Variants in RAB11FIP1 observed in about 807,000 individuals in gnomAD.
RAB11FIP1 encodes RAB11 family interacting protein 1.
Under a neutral mutation model 83.1 loss-of-function variants are expected in RAB11FIP1, and 49 were observed. The ratio of observed to expected loss-of-function variants is 0.59; its 90% CI spans 0.47 to 0.75. The LOEUF is 0.75. Among genes scored for constraint, RAB11FIP1 ranks in the 30% least tolerant of loss-of-function variants. The pLI is 0.00. For missense variants in RAB11FIP1, 1,536 were observed against 1,598.7 expected (o/e 0.96, Z 0.67); for synonymous variants, 670 against 656.0 (o/e 1.02, Z -0.33).
At position 37,872,139 on chromosome 8, in the gene RAB11FIP1, GGGA is replaced by G. The variant is rs1205738296; in HGVS notation, c.2660_2662del (p.Leu887del). 2 of 1,613,832 alleles carry G rather than the reference GGGA, an allele frequency of 1.2e-6. No homozygotes were observed. The highest frequency in any genetic ancestry group is 2.2e-5 in the East Asian group (1 of 44,864). On this transcript the variant is annotated inframe_deletion, in exon 4 of 6. Coordinates refer to ENST00000330843, the MANE Select transcript of RAB11FIP1 (RefSeq NM_001002814.3). ...TTCGGAGAAACTCTCCTCCTGGGAG[GGGA>G]GGAGGAGGTGATCCGCTGGGGAGGC...
At position 37,863,908 on chromosome 8, in the gene RAB11FIP1, G is replaced by A. The variant is rs557093287; in HGVS notation, c.3634-795C>T. Among the ~76,000 whole-genome samples, 140 of 152,200 alleles carry A rather than the reference G, an allele frequency of 9.2e-4. 1 individual carries two copies. Among genetic ancestry groups the A allele is most frequent in the African/African-American group, 3.3e-3 (135 of 41,534 alleles). ...GCTGGTGACGACTCCCAAGCCAGAG[G>A]GGGCCCAGGAAGACACAGCTGTGAC... On this transcript the variant is annotated intron_variant, in intron 5 of 5. Coordinates refer to ENST00000330843, the MANE Select transcript of RAB11FIP1 (RefSeq NM_001002814.3).
In RAB11FIP1 at chr8:37,871,308, GGCTGA is replaced by G. The variant is rs765340672; in HGVS notation, c.3489_3493del (p.Gln1164ArgfsTer26). On this transcript the variant is annotated frameshift_variant, in exon 4 of 6. Transcript: ENST00000330843. LOFTEE classifies it high-confidence loss of function. The stretch of plus-strand genomic sequence containing the variant: ...CTTGGCTGACCCAGTTCCAGCGCCT[GGCTGA>G]GCTGAGACTGGATGTGTCTCCGAGG... 1.9e-6 allele frequency: 3 copies of G among 1,612,656 alleles called. No individual in the cohort carries two copies. The highest frequency in any genetic ancestry group is 1.7e-5 in the Admixed American group (1 of 59,724).
rs1372766672 is a variant in RAB11FIP1 at position 37,861,186 on chromosome 8, A to G, written c.*1709T>C. 1 of 151,706 alleles carries G rather than the reference A, an allele frequency of 6.6e-6. No individual in the cohort carries two copies. The highest frequency in any genetic ancestry group is 1.5e-5 in the Non-Finnish European group (1 of 68,850). The allele number at this position is 151,706 out of a possible 1,614,324, so 9.4% of individuals were successfully genotyped here. A position where few individuals can be genotyped will look rare whatever the true frequency, so the allele number is the denominator to read the frequency against. ...TAGCTAAGAAGGAAGCAAGTGCCCTAGTTAAAAAAAAAAAAAGTCTATAAA... is the reference window on the plus strand; with the variant it reads ...TAGCTAAGAAGGAAGCAAGTGCCCTGGTTAAAAAAAAAAAAAGTCTATAAA... On this transcript the variant is annotated 3_prime_UTR_variant, in exon 6 of 6. Transcript: ENST00000330843.
chr8:37,864,847 C>G (rs1290023025), intron 5 of RAB11FIP1, among the ~76,000 whole-genome samples: 1 of 152,010 alleles, frequency 6.6e-6, no homozygotes, highest in Non-Finnish European at 1.5e-5. Context: ...ATGTGACTTC[C>G]AAAACAATAT....
chr8:37,867,719 AAAAG>A (rs1352410114), intron 5 of RAB11FIP1, among the ~76,000 whole-genome samples: 1 of 151,858 alleles, frequency 6.6e-6, no homozygotes, highest in Non-Finnish European at 1.5e-5. Context: ...AAAGAAAAAA[AAAAG>A]GAAGGAAGGA....
rs1298696796 is a variant in RAB11FIP1 at position 37,877,455 on chromosome 8, G to C, written c.468C>G (p.Ser156Arg). 6.2e-7 allele frequency: 1 copy of C among 1,613,486 alleles called. No individual in the cohort carries two copies. Residue 156 changes from serine (S) to arginine (R), a missense_variant, in exon 2 of 6, where the codon AGC becomes AGG. Ser to Arg is a moderately radical substitution (Grantham distance 110). Coordinates refer to ENST00000330843, the MANE Select transcript of RAB11FIP1 (RefSeq NM_001002814.3). ...IQFMRNNMTA[S>R]MFDLSMKDKS... ...TGTCTTTCATAGAAAGGTCAAACAT[G>C]CTGGCAGTCATGTTGTTTCTCATAA...
chr8:37,884,754 G>A (rs1432446545), intron 1 of RAB11FIP1, among the ~76,000 whole-genome samples: 2 of 152,094 alleles, frequency 1.3e-5, no homozygotes. Context: ...TCACCATGTT[G>A]GCCAGGCTGG....
At chr8:37,895,218 AATATATATATATATATATATATATATAT>A (rs1157101966) in intron 1 of RAB11FIP1, among the ~76,000 whole-genome samples, 23 of 13,702 alleles carry the variant, frequency 1.7e-3, no homozygotes, top group East Asian at 7.0e-3. Context: ...GGTGCCTGCC[AATATATATATATATATATATATATATAT>A]ATATATATAT....
chr8:37,865,129 C>T (rs960688032), intron 5 of RAB11FIP1, among the ~76,000 whole-genome samples: 2 of 151,718 alleles, frequency 1.3e-5, no homozygotes, highest in Non-Finnish European at 2.9e-5. Context: ...AATACGTCCT[C>T]AAGGGATTTT....
intron 1 of RAB11FIP1, among the ~76,000 whole-genome samples, chr8:37,887,213 A>G (rs1349502423): frequency 6.6e-6 from 1 of 152,182 alleles, no homozygotes; most frequent in African/African-American, 2.4e-5. Context: ...GGCTGTTTGT[A>G]GCCACCAAAC....
At chr8:37,883,662 T>C (rs1279637144) in intron 1 of RAB11FIP1, among the ~76,000 whole-genome samples, 2 of 152,228 alleles carry the variant, frequency 1.3e-5, no homozygotes, top group South Asian at 2.1e-4. Context: ...TTCTAAGTGT[T>C]ACTGCCCATG....
At chr8:37,888,378 A>T (rs1806874647) in intron 1 of RAB11FIP1, among the ~76,000 whole-genome samples, 1 of 152,246 alleles carries the variant, frequency 6.6e-6, no homozygotes. Flanking sequence ...AAGTGCTGGG[A>T]TTACAGGCGT....
chr8:37,885,536 A>AT (rs376241842), intron 1 of RAB11FIP1, among the ~76,000 whole-genome samples: 32 of 151,206 alleles, frequency 2.1e-4, no homozygotes, highest in African/African-American at 4.8e-4. Context: ...TGGGGATCTT[A>AT]TTTTTTTTTG....
chr8:37,898,301 A>T (rs1807134271), intron 1 of RAB11FIP1, among the ~76,000 whole-genome samples: 1 of 151,112 alleles, frequency 6.6e-6, no homozygotes, highest in Admixed American at 6.6e-5. Flanking sequence ...ACCTGAAGTC[A>T]GAAATTCGAG....
intron 1 of RAB11FIP1, among the ~76,000 whole-genome samples, chr8:37,880,090 A>G (rs1346161538): frequency 6.6e-6 from 1 of 152,148 alleles, no homozygotes; most frequent in Non-Finnish European, 1.5e-5. Context: ...CCACTGAGAG[A>G]CAAGCTTCAG....
intron 1 of RAB11FIP1, among the ~76,000 whole-genome samples, chr8:37,893,349 A>G (rs1266710573): frequency 1.3e-5 from 2 of 152,174 alleles, no homozygotes; most frequent in Non-Finnish European, 2.9e-5. Context: ...TGCTGAGATT[A>G]CATGTTCATT....
At chr8:37,897,167 G>A (rs541201110) in intron 1 of RAB11FIP1, among the ~76,000 whole-genome samples, 1 of 151,992 alleles carries the variant, frequency 6.6e-6, no homozygotes, top group Non-Finnish European at 1.5e-5. Context: ...CTCACATCAA[G>A]GCTAGTTTTA....
intron 5 of RAB11FIP1, among the ~76,000 whole-genome samples, chr8:37,868,625 A>G (rs994363329): frequency 6.6e-6 from 1 of 152,154 alleles, no homozygotes; most frequent in African/African-American, 2.4e-5. Context: ...AAGGTCACCA[A>G]TCCCTCAGTA....
At chr8:37,898,092 C>A (rs957848408) in intron 1 of RAB11FIP1, among the ~76,000 whole-genome samples, 4 of 152,162 alleles carry the variant, frequency 2.6e-5, no homozygotes, top group Non-Finnish European at 5.9e-5. Context: ...CAAGCGAAGG[C>A]GAGTATCAGA....
Sources: gnomAD v4.1 joint callset for allele counts (sites outside exome capture counted in the v4.1 genomes callset) on GRCh38, gnomAD v4.1.1 for gene constraint, MANE v1.5 for transcripts, NCBI Gene and HGNC (gene_info 2026-07-23, HGNC 2026-07-21) for gene names.